The following DPP10 variants were observed in gnomAD, a reference collection of about 807,000 sequenced individuals.
The protein encoded by DPP10 is inactive dipeptidyl peptidase 10.
In DPP10, 33 loss-of-function variants were observed where a neutral mutation model predicts 120.9. The observed-to-expected ratio is 0.27, with a 90% CI of 0.21 to 0.37. The LOEUF is 0.37. Ranked by LOEUF, DPP10 falls within the 10% of genes least tolerant of loss-of-function variation. The probability of loss-of-function intolerance (pLI) is 1.00; values close to 1 mark genes in which losing one functional copy is unlikely to be tolerated. For missense variants in DPP10, 816 were observed against 942.8 expected (o/e 0.87, Z 1.76); for synonymous variants, 337 against 326.1 (o/e 1.03, Z -0.36).
intron 1 of DPP10, among the ~76,000 whole-genome samples, chr2:115,050,674 A>G (rs1360348508): frequency 3.9e-5 from 6 of 152,220 alleles, no homozygotes; most frequent in Admixed American, 3.9e-4. Context: ...ACACGTAGGT[A>G]CAGGGCAGTG....
intron 1 of DPP10, among the ~76,000 whole-genome samples, chr2:114,717,898 C>T (rs1339779648): frequency 6.6e-6 from 1 of 152,180 alleles, no homozygotes; most frequent in Non-Finnish European, 1.5e-5. Flanking sequence ...ATCTTATATA[C>T]ATATCTCACA....
chr2:114,545,389 C>T (rs1687310415), intron 1 of DPP10, among the ~76,000 whole-genome samples: 1 of 152,154 alleles, frequency 6.6e-6, no homozygotes, highest in South Asian at 2.1e-4. Flanking sequence ...GGTCTTGATT[C>T]ACTGAACAGA....
chr2:114,977,590 C>T (rs11891559), intron 1 of DPP10, among the ~76,000 whole-genome samples: 2,161 of 152,122 alleles, frequency 0.014, 49 homozygotes, highest in African/African-American at 0.05. Context: ...AGGGGTTCTG[C>T]AAGTCAGCAA....
chr2:115,346,842 C>A (rs1230306856), intron 3 of DPP10, among the ~76,000 whole-genome samples: 1 of 152,090 alleles, frequency 6.6e-6, no homozygotes, highest in Non-Finnish European at 1.5e-5. Context: ...CGAACACACA[C>A]CTAATAAAAG....
intron 1 of DPP10, among the ~76,000 whole-genome samples, chr2:115,058,180 T>C (rs1162713774): frequency 2.0e-5 from 3 of 150,988 alleles, no homozygotes; most frequent in Non-Finnish European, 2.9e-5. Context: ...GTTGATATCA[T>C]AGAACTTTCT....
At chr2:114,877,795 G>A (rs921474580) in intron 1 of DPP10, among the ~76,000 whole-genome samples, 8 of 151,930 alleles carry the variant, frequency 5.3e-5, no homozygotes, top group African/African-American at 1.4e-4. Flanking sequence ...CCGTTAACAT[G>A]GGAAAATTCT....
chr2:114,619,381 ATGTGTGTGTGTGTG>A (rs71998520), intron 1 of DPP10, among the ~76,000 whole-genome samples: 1 of 146,276 alleles, frequency 6.8e-6, no homozygotes, highest in Non-Finnish European at 1.5e-5. Context: ...ATATATACAT[ATGTGTGTGTGTGTG>A]TGTGTGTGTG....
chr2:114,988,961 TG>T (rs1283336261), intron 1 of DPP10, among the ~76,000 whole-genome samples: 3 of 151,290 alleles, frequency 2.0e-5, no homozygotes, highest in African/African-American at 4.9e-5. Context: ...AAAAAAGGTA[TG>T]GGGGAAATAC....
At chr2:114,691,896 G>T (rs1319053512) in intron 1 of DPP10, among the ~76,000 whole-genome samples, 3 of 151,952 alleles carry the variant, frequency 2.0e-5, no homozygotes, top group Non-Finnish European at 4.4e-5. Context: ...TTCTCTGATG[G>T]TTGTCTGTAT....
At chr2:115,686,033 C>G (rs2090969155) in intron 5 of DPP10, among the ~76,000 whole-genome samples, 1 of 152,022 alleles carries the variant, frequency 6.6e-6, no homozygotes, top group African/African-American at 2.4e-5. Context: ...AATTGAGTTG[C>G]TTGTTGTCTA....
chr2:114,749,037 C>G (rs1678925955), intron 1 of DPP10, among the ~76,000 whole-genome samples: 1 of 137,058 alleles, frequency 7.3e-6, no homozygotes, highest in Non-Finnish European at 1.6e-5. Flanking sequence ...AAAAGTGTTC[C>G]TATTTCTCCA....
intron 2 of DPP10, among the ~76,000 whole-genome samples, chr2:115,339,204 T>C (rs756606218): frequency 2.6e-5 from 4 of 152,156 alleles, no homozygotes; most frequent in East Asian, 1.9e-4. Flanking sequence ...AATAAGCACA[T>C]TAAATGATGT....
intron 1 of DPP10, among the ~76,000 whole-genome samples, chr2:114,987,714 C>G (rs1474466657): frequency 1.3e-5 from 2 of 151,098 alleles, no homozygotes; most frequent in East Asian, 3.9e-4. Context: ...ATTTCGCTCA[C>G]GTGAAAAGTG....
intron 3 of DPP10, among the ~76,000 whole-genome samples, chr2:115,420,225 C>T (rs2069812462): frequency 6.6e-6 from 1 of 152,122 alleles, no homozygotes; most frequent in Non-Finnish European, 1.5e-5. Flanking sequence ...TATTTAATGT[C>T]TTACAGTATA....
At chr2:114,992,628 T>C (rs1406348324) in intron 1 of DPP10, among the ~76,000 whole-genome samples, 2 of 152,170 alleles carry the variant, frequency 1.3e-5, no homozygotes, top group East Asian at 1.9e-4. Flanking sequence ...TGCACCCAAG[T>C]TGACTAAGAA....
intron 3 of DPP10, among the ~76,000 whole-genome samples, chr2:115,456,484 C>A (rs763142972): frequency 6.6e-6 from 1 of 152,106 alleles, no homozygotes; most frequent in Non-Finnish European, 1.5e-5. Context: ...AATTATAAAT[C>A]ATTTTACTAT....
At chr2:115,095,022 G>T (rs953941013) in intron 1 of DPP10, among the ~76,000 whole-genome samples, 1 of 152,134 alleles carries the variant, frequency 6.6e-6, no homozygotes, top group Non-Finnish European at 1.5e-5. Flanking sequence ...TAAATTCAAA[G>T]ATTTTGTTCC....
At chr2:114,550,185 A>C (rs1687769772) in intron 1 of DPP10, among the ~76,000 whole-genome samples, 1 of 152,092 alleles carries the variant, frequency 6.6e-6, no homozygotes, top group Admixed American at 6.5e-5. Flanking sequence ...CGGAGACTTT[A>C]CTGTTCTTGC....
intron 1 of DPP10, among the ~76,000 whole-genome samples, chr2:115,286,202 C>T (rs2060362092): frequency 6.6e-6 from 1 of 151,444 alleles, no homozygotes; most frequent in Non-Finnish European, 1.5e-5. Flanking sequence ...AAAGTTTACA[C>T]AGCAATGGTT....
Sources: allele counts gnomAD v4.1 joint callset (sites outside exome capture counted in the v4.1 genomes callset), GRCh38; gene constraint gnomAD v4.1.1; transcripts MANE v1.5; gene names NCBI Gene and HGNC (gene_info 2026-07-23, HGNC 2026-07-21).